The following SGSM1 variants were observed in gnomAD, a reference collection of about 807,000 sequenced individuals.
The protein encoded by SGSM1 is RUN and TBC1 domain containing 2.
In SGSM1, 73 loss-of-function variants were observed where a neutral mutation model predicts 133.8. The ratio of observed to expected loss-of-function variants is 0.55; its 90% CI spans 0.45 to 0.66. The LOEUF is 0.66. Ranked by LOEUF, SGSM1 falls within the 30% of genes least tolerant of loss-of-function variation. The pLI is 0.00. For synonymous variants in SGSM1, 563 were observed against 573.0 expected, an observed-to-expected ratio of 0.98 and a Z score of 0.25; for missense variants, 1,213 against 1,448.1, an observed-to-expected ratio of 0.84 and a Z score of 2.64.
chr22:24,923,692 G>A (rs1330705068), intron 24 of SGSM1, among the ~76,000 whole-genome samples: 6 of 152,004 alleles, frequency 3.9e-5, no homozygotes, highest in South Asian at 4.2e-4. Flanking sequence ...GTGCAATCTC[G>A]GCTCACCACA....
Position 24,898,320 on chromosome 22 carries a change from A to G in SGSM1, c.2371A>G (p.Ser791Gly). ...SLESDLLANE[S>G]MDEFMSITGS... ...GGAGAGTGACCTCCTGGCCAACGAG[A>G]GCATGGACGAGTTCATGTCCATCAC... The change falls in exon 19 of 25, where the codon AGC (serine) becomes GGC (glycine). Residue 791 changes from serine (S) to glycine (G), a missense_variant. Physicochemically the swap from Ser to Gly is moderately conservative, Grantham distance 56 (BLOSUM62 0). Coordinates refer to ENST00000400358, the MANE Select transcript of SGSM1 (RefSeq NM_001098497.3). 6.2e-7 allele frequency: 1 copy of G among 1,613,878 alleles called. No homozygotes were observed. Among genetic ancestry groups the G allele is most frequent in the Non-Finnish European group, 8.5e-7 (1 of 1,179,860 alleles).
chr22:24,903,607 C>T (rs775971109), intron 20 of SGSM1, among the ~76,000 whole-genome samples: 9 of 152,180 alleles, frequency 5.9e-5, no homozygotes, highest in Non-Finnish European at 1.3e-4. Context: ...AATAAACTGA[C>T]TCCTCCCTGG....
intron 13 of SGSM1, among the ~76,000 whole-genome samples, chr22:24,877,191 C>T (rs1932067578): frequency 6.6e-6 from 1 of 152,196 alleles, no homozygotes; most frequent in African/African-American, 2.4e-5. Context: ...ACAGTAAGTG[C>T]AGCCCTACCA....
chr22:24,835,388 C>T (rs1208582448), intron 2 of SGSM1, among the ~76,000 whole-genome samples: 2 of 152,118 alleles, frequency 1.3e-5, no homozygotes, highest in Non-Finnish European at 1.5e-5. Context: ...TCTGCTGGGT[C>T]TTGGGAGTAG....
chr22:24,865,143 G>A (rs1467783845), intron 9 of SGSM1, among the ~76,000 whole-genome samples: 1 of 152,214 alleles, frequency 6.6e-6, no homozygotes, highest in Non-Finnish European at 1.5e-5. Flanking sequence ...GCTGGTGGTA[G>A]CTTTGTTCAC....
At position 24,924,578 on chromosome 22, in the gene SGSM1, G is replaced by A. The variant is rs549126250; in HGVS notation, c.*304G>A. ...GAGCCATCTTTGTTTGCTGGTGCCC[G>A]GAATGGTCTCCTCTTCTTCTTTCCC... On this transcript the variant is annotated 3_prime_UTR_variant, in exon 25 of 25. Coordinates refer to ENST00000400358, the MANE Select transcript of SGSM1 (RefSeq NM_001098497.3). The A allele has an allele frequency of 9.0e-4, 376 of 418,096 alleles. No individual in the cohort carries two copies. Among genetic ancestry groups the A allele is most frequent in the African/African-American group, 6.9e-3 (344 of 50,026 alleles). 25.9% of individuals were successfully genotyped at this position (418,096 alleles called of 1,614,324 possible). A position where few individuals can be genotyped will look rare whatever the true frequency, so the allele number is the denominator to read the frequency against.
At chr22:24,900,972 T>C (rs1345345205) in intron 19 of SGSM1, among the ~76,000 whole-genome samples, 1 of 152,222 alleles carries the variant, frequency 6.6e-6, no homozygotes, top group Non-Finnish European at 1.5e-5. Flanking sequence ...ATAACAAATA[T>C]GAGATGACAA....
Position 24,847,649 on chromosome 22 carries a change from G to A in SGSM1, c.155G>A (p.Cys52Tyr). The A allele has an allele frequency of 6.2e-7, 1 of 1,613,590 alleles. No individual in the cohort carries two copies. Among genetic ancestry groups the A allele is most frequent in the Non-Finnish European group, 8.5e-7 (1 of 1,179,802 alleles). ...GTCCCTGCAGCGGCTGTGGAGGCCT[G>A]CGTTCTGCACGGGCTTCGGCGGCGG... ...IISFCAAVEA[C>Y]VLHGLRRRAA... is the part of the protein sequence containing the mutation. The change falls in exon 4 of 25, where the codon TGC becomes TAC. Residue 52 changes from cysteine (C) to tyrosine (Y), a missense_variant. By Grantham distance (194) the Cys-to-Tyr change is radical. Coordinates refer to ENST00000400358, the MANE Select transcript of SGSM1 (RefSeq NM_001098497.3).
intron 18 of SGSM1, among the ~76,000 whole-genome samples, chr22:24,896,168 A>C (rs1388981318): frequency 6.6e-6 from 1 of 152,174 alleles, no homozygotes; most frequent in Non-Finnish European, 1.5e-5. Context: ...GAATGGTATG[A>C]GGAGCAACCA....
chr22:24,820,412 C>T (rs904051885), intron 2 of SGSM1, among the ~76,000 whole-genome samples: 5 of 152,134 alleles, frequency 3.3e-5, no homozygotes, highest in South Asian at 2.1e-4. Flanking sequence ...AGCCAGTGAA[C>T]GATTAACTCG....
chr22:24,847,476 C>G (rs988195525), intron 3 of SGSM1, among the ~76,000 whole-genome samples, 158 bp from the exon 4 acceptor site: 4 of 152,114 alleles, frequency 2.6e-5, no homozygotes, highest in Admixed American at 2.6e-4. Context: ...TGATTATGCA[C>G]CTATACAAGT....
At chr22:24,828,468 C>A (rs781013809) in intron 2 of SGSM1, among the ~76,000 whole-genome samples, 2 of 152,070 alleles carry the variant, frequency 1.3e-5, no homozygotes, top group Non-Finnish European at 2.9e-5. Flanking sequence ...ACAGACACTT[C>A]GCTAAAAAAG....
chr22:24,825,616 G>A (rs990087968), intron 2 of SGSM1, among the ~76,000 whole-genome samples: 4 of 152,064 alleles, frequency 2.6e-5, no homozygotes, highest in African/African-American at 4.8e-5. Context: ...TTTTAGTAGA[G>A]ACGGGGTGTT....
Position 24,895,200 on chromosome 22 carries a change from C to T in SGSM1, c.1954-23C>T, listed in dbSNP as rs763530520. On this transcript the variant is annotated intron_variant, in intron 17 of 24. Coordinates refer to ENST00000400358, the MANE Select transcript of SGSM1 (RefSeq NM_001098497.3). Reference sequence around the variant, plus strand: ...CCAGGGTGCAGCCTCACCCTCCCTCCCTCCTGCTCTTTCTTTTCTCAGTCC... The same window carrying T: ...CCAGGGTGCAGCCTCACCCTCCCTCTCTCCTGCTCTTTCTTTTCTCAGTCC... The T allele has an allele frequency of 5.0e-6, 8 of 1,594,438 alleles. No homozygotes were observed. In the Admixed American group the frequency reaches 7.0e-5, roughly 14 times the overall value.
chr22:24,869,759 T>C (rs1443419447), intron 12 of SGSM1, among the ~76,000 whole-genome samples: 1 of 151,970 alleles, frequency 6.6e-6, no homozygotes, highest in East Asian at 1.9e-4. Flanking sequence ...CACTGGCACA[T>C]GAGATGGGGG....
chr22:24,874,657 CAAGGGAGATGGAGGCAGG>C, intron 12 of SGSM1: 4 of 1,468,090 alleles, frequency 2.7e-6, no homozygotes, highest in Non-Finnish European at 3.6e-6. Context: ...GTTCTGGTCC[CAAGGGAGATGGAGGCAGG>C]AAGGGAGATG....
intron 22 of SGSM1, among the ~76,000 whole-genome samples, chr22:24,915,488 T>A (rs894582395): frequency 6.6e-6 from 1 of 152,242 alleles, no homozygotes; most frequent in African/African-American, 2.4e-5. Context: ...GTCACACTTA[T>A]ATATTTTTGC....
At chr22:24,841,367 A>G (rs1377189662) in intron 2 of SGSM1, among the ~76,000 whole-genome samples, 1 of 152,216 alleles carries the variant, frequency 6.6e-6, no homozygotes, top group Admixed American at 6.5e-5. Context: ...CTAGTTTTGT[A>G]TCCTAAGATA....
At chr22:24,873,376 C>A (rs990407949) in intron 12 of SGSM1, among the ~76,000 whole-genome samples, 1 of 151,908 alleles carries the variant, frequency 6.6e-6, no homozygotes, top group Non-Finnish European at 1.5e-5. Flanking sequence ...GTGTTTTCTA[C>A]GATGTTGAGC....
Sources: allele counts gnomAD v4.1 joint callset (sites outside exome capture counted in the v4.1 genomes callset), GRCh38; gene constraint gnomAD v4.1.1; transcripts MANE v1.5; gene names NCBI Gene and HGNC (gene_info 2026-07-23, HGNC 2026-07-21).